DOCK2: variants seen among roughly 807,000 people sequenced by gnomAD.
The protein encoded by DOCK2 is dedicator of cytokinesis protein 2.
Under a neutral mutation model 248.9 loss-of-function variants are expected in DOCK2, and 87 were observed. The ratio of observed to expected loss-of-function variants is 0.35; its 90% CI spans 0.29 to 0.42. The LOEUF is 0.42. DOCK2 is among the 10% of genes least tolerant of loss of function. DOCK2 has a pLI of 1.00. For synonymous variants in DOCK2, 805 were observed against 821.6 expected, an observed-to-expected ratio of 0.98 and a Z score of 0.35; for missense variants, 1,747 against 2,300.2, an observed-to-expected ratio of 0.76 and a Z score of 4.92.
At chr5:169,873,965 A>C (rs1772146180) in intron 27 of DOCK2, among the ~76,000 whole-genome samples, 1 of 152,152 alleles carries the variant, frequency 6.6e-6, no homozygotes, top group Non-Finnish European at 1.5e-5. Context: ...TCATACTCTG[A>C]ATATGAAAAC....
chr5:169,786,899 C>G (rs1766020049), intron 25 of DOCK2, among the ~76,000 whole-genome samples: 1 of 152,124 alleles, frequency 6.6e-6, no homozygotes, highest in Non-Finnish European at 1.5e-5. Flanking sequence ...AGCCACGACC[C>G]TTATCAAGAT....
intron 50 of DOCK2, 29 bp from the exon 51 acceptor site, chr5:170,081,813 T>G: frequency 7.3e-7 from 1 of 1,367,648 alleles, no homozygotes; most frequent in Non-Finnish European, 9.8e-7. Context: ...TACCCACCCA[T>G]TCACACCCCA....
At chr5:170,062,727 T>A (rs1258663992) in intron 44 of DOCK2, among the ~76,000 whole-genome samples, 1 of 151,934 alleles carries the variant, frequency 6.6e-6, no homozygotes, top group Non-Finnish European at 1.5e-5. Flanking sequence ...AAAAAATCAG[T>A]GGTTTTATAT....
chr5:169,688,149 C>T (rs979860217), intron 8 of DOCK2, among the ~76,000 whole-genome samples: 4 of 152,192 alleles, frequency 2.6e-5, no homozygotes, highest in African/African-American at 9.7e-5. Flanking sequence ...TGGTCTTGAA[C>T]TCCTGAACTC....
At chr5:169,860,880 A>G (rs1297548206) in intron 27 of DOCK2, among the ~76,000 whole-genome samples, 1 of 152,242 alleles carries the variant, frequency 6.6e-6, no homozygotes, top group African/African-American at 2.4e-5. Flanking sequence ...GTTTAGCAAG[A>G]ACTTAATAAG....
intron 27 of DOCK2, among the ~76,000 whole-genome samples, chr5:169,973,908 G>A (rs930530209): frequency 4.6e-5 from 7 of 151,960 alleles, no homozygotes; most frequent in African/African-American, 1.5e-4. Context: ...CTGTCCATCC[G>A]TCCATCATCC....
intron 5 of DOCK2, among the ~76,000 whole-genome samples, chr5:169,673,725 T>C (rs1759171970): frequency 6.6e-6 from 1 of 152,188 alleles, no homozygotes; most frequent in South Asian, 2.1e-4. Context: ...ACATTAACAA[T>C]ATGTGAGAGG....
intron 48 of DOCK2, 35 bp downstream of exon 48, chr5:170,077,872 C>G: frequency 6.3e-7 from 1 of 1,597,056 alleles, no homozygotes; most frequent in South Asian, 1.1e-5. Context: ...CCCCCACACC[C>G]CTGCCTCCCT....
chr5:169,957,225 G>A (rs990662610), intron 27 of DOCK2, among the ~76,000 whole-genome samples: 9 of 152,322 alleles, frequency 5.9e-5, no homozygotes, highest in African/African-American at 1.7e-4. Flanking sequence ...TAATTAAAAT[G>A]GACACATCAA....
At chr5:169,999,576 C>A (rs1338186517) in intron 30 of DOCK2, among the ~76,000 whole-genome samples, 3 of 152,146 alleles carry the variant, frequency 2.0e-5, no homozygotes. Context: ...CCACAAGATT[C>A]TGTAAAACAG....
intron 26 of DOCK2, among the ~76,000 whole-genome samples, chr5:169,814,698 GA>G (rs2113203126): frequency 6.6e-6 from 1 of 152,268 alleles, no homozygotes; most frequent in Non-Finnish European, 1.5e-5. Flanking sequence ...ATGTTTTTAA[GA>G]AGCTTATTTT....
intron 29 of DOCK2, among the ~76,000 whole-genome samples, chr5:169,991,306 C>T (rs1778199618): frequency 1.3e-5 from 2 of 152,234 alleles, no homozygotes; most frequent in African/African-American, 2.4e-5. Context: ...AGCCAGCAGG[C>T]TCTGTGAGGC....
At chr5:170,079,829 T>C in intron 49 of DOCK2, 1 of 204,062 alleles carries the variant, frequency 4.9e-6, no homozygotes, top group Non-Finnish European at 9.9e-6. Flanking sequence ...GAAAGGGCCC[T>C]CCAGAAACTT....
intron 1 of DOCK2, among the ~76,000 whole-genome samples, chr5:169,653,003 A>T (rs925678671): frequency 3.9e-5 from 6 of 152,228 alleles, no homozygotes; most frequent in African/African-American, 1.4e-4. Flanking sequence ...GAGGAGTAGG[A>T]AAGAGCATGG....
chr5:169,903,703 G>A (rs1774096732), intron 27 of DOCK2, among the ~76,000 whole-genome samples: 1 of 152,118 alleles, frequency 6.6e-6, no homozygotes, highest in Non-Finnish European at 1.5e-5. Flanking sequence ...TCGGGGCAGG[G>A]GGAGAAAAGA....
intron 33 of DOCK2, among the ~76,000 whole-genome samples, chr5:170,020,007 G>T (rs992905001): frequency 3.3e-5 from 5 of 152,010 alleles, no homozygotes; most frequent in African/African-American, 1.2e-4. Flanking sequence ...ATTCCAAACT[G>T]CCTTTCCTTA....
intron 41 of DOCK2, among the ~76,000 whole-genome samples, chr5:170,054,761 A>G (rs1230666309): frequency 6.6e-6 from 1 of 152,208 alleles, no homozygotes; most frequent in East Asian, 1.9e-4. Context: ...GGTAATGCTG[A>G]CACTACTGGT....
intron 32 of DOCK2, among the ~76,000 whole-genome samples, chr5:170,015,810 C>T (rs1755511410): frequency 6.6e-6 from 1 of 151,040 alleles, no homozygotes; most frequent in South Asian, 2.1e-4. Context: ...TCTCCCTTCC[C>T]TCCCTCCCTC....
At chr5:170,047,356 C>T (rs1267757796) in intron 39 of DOCK2, among the ~76,000 whole-genome samples, 154 bp from the exon 40 acceptor site, 2 of 152,190 alleles carry the variant, frequency 1.3e-5, no homozygotes, top group African/African-American at 4.8e-5. Flanking sequence ...ATAGCTATTA[C>T]TATTGTGATT....
Sources: gnomAD v4.1 joint callset for allele counts (sites outside exome capture counted in the v4.1 genomes callset) on GRCh38, gnomAD v4.1.1 for gene constraint, MANE v1.5 for transcripts, NCBI Gene and HGNC (gene_info 2026-07-23, HGNC 2026-07-21) for gene names.